The following NTRK3 variants were observed in gnomAD, a reference collection of about 807,000 sequenced individuals.
The protein encoded by NTRK3 is neurotrophic receptor tyrosine kinase 3, also known as NT-3 growth factor receptor.
A neutral mutation model predicts 91.7 loss-of-function variants in NTRK3; 24 were observed. That is an observed-to-expected ratio of 0.26 (90% CI 0.19 to 0.37). NTRK3 has a LOEUF of 0.37. Ranked by LOEUF, NTRK3 falls within the 10% of genes least tolerant of loss-of-function variation. The probability of loss-of-function intolerance (pLI) is 1.00; values close to 1 mark genes in which losing one functional copy is unlikely to be tolerated. For missense variants in NTRK3, 880 were observed against 1,068.9 expected (o/e 0.82, Z 2.46); for synonymous variants, 483 against 404.0 (o/e 1.20, Z -2.34).
At chr15:88,054,663 C>T (rs1214379471) in intron 13 of NTRK3, among the ~76,000 whole-genome samples, 1 of 151,966 alleles carries the variant, frequency 6.6e-6, no homozygotes, top group Non-Finnish European at 1.5e-5. Flanking sequence ...TGAGGGCAAC[C>T]CCAGAGATGA....
At chr15:87,963,039 G>A (rs1002175637) in intron 14 of NTRK3, among the ~76,000 whole-genome samples, 10 of 152,170 alleles carry the variant, frequency 6.6e-5, no homozygotes, top group Non-Finnish European at 1.5e-4. Flanking sequence ...CATTCAACGT[G>A]TTGCATCTTT....
chr15:88,039,138 C>T (rs2079356569), intron 13 of NTRK3, among the ~76,000 whole-genome samples: 1 of 151,304 alleles, frequency 6.6e-6, no homozygotes, highest in African/African-American at 2.4e-5. Context: ...CACACACACA[C>T]ACACACACAC....
At chr15:88,096,469 A>G (rs1597288327) in intron 13 of NTRK3, among the ~76,000 whole-genome samples, 1 of 152,132 alleles carries the variant, frequency 6.6e-6, no homozygotes, top group African/African-American at 2.4e-5. Context: ...CTGAGGCCCC[A>G]CTCATATCCC....
intron 17 of NTRK3, among the ~76,000 whole-genome samples, chr15:87,883,700 A>T (rs1324610479): frequency 1.3e-5 from 2 of 151,244 alleles, no homozygotes; most frequent in Non-Finnish European, 3.0e-5. Flanking sequence ...CAAGATAAAA[A>T]ATAAATATGA....
At chr15:87,993,580 A>T (rs943184655) in intron 14 of NTRK3, among the ~76,000 whole-genome samples, 24 of 152,170 alleles carry the variant, frequency 1.6e-4, no homozygotes, top group African/African-American at 5.6e-4. Context: ...CACACACACA[A>T]AATACTCAGT....
chr15:88,187,413 C>T (rs1469102160), intron 3 of NTRK3, among the ~76,000 whole-genome samples: 1 of 152,178 alleles, frequency 6.6e-6, no homozygotes, highest in African/African-American at 2.4e-5. Flanking sequence ...CCACTTGGTA[C>T]CCAACCAGGA....
chr15:88,079,194 G>A (rs1032153708), intron 13 of NTRK3, among the ~76,000 whole-genome samples: 15 of 152,216 alleles, frequency 9.9e-5, no homozygotes, highest in Non-Finnish European at 1.6e-4. Flanking sequence ...GGTTAGACTC[G>A]TGACACAGTT....
At chr15:88,051,755 G>T (rs181642518) in intron 13 of NTRK3, among the ~76,000 whole-genome samples, 1 of 152,308 alleles carries the variant, frequency 6.6e-6, no homozygotes, top group East Asian at 1.9e-4. Flanking sequence ...ACAGTGGTTA[G>T]CTAACTCAAG....
intron 13 of NTRK3, among the ~76,000 whole-genome samples, chr15:88,092,951 T>C (rs1396549011): frequency 6.6e-6 from 1 of 151,986 alleles, no homozygotes; most frequent in Non-Finnish European, 1.5e-5. Context: ...GATCCTTAAC[T>C]TAATCACATC....
intron 13 of NTRK3, among the ~76,000 whole-genome samples, chr15:88,049,732 C>G (rs941057441): frequency 3.9e-5 from 6 of 152,148 alleles, no homozygotes; most frequent in Non-Finnish European, 8.8e-5. Context: ...ATAGCAGGCC[C>G]TTTAAAGACA....
chr15:87,983,604 T>C (rs151014067), intron 14 of NTRK3, among the ~76,000 whole-genome samples: 37 of 152,336 alleles, frequency 2.4e-4, no homozygotes, highest in Non-Finnish European at 4.4e-4. Context: ...GGGAGAAAAC[T>C]GTGCCTTTAT....
At chr15:88,100,947 T>C (rs1214213110) in intron 13 of NTRK3, among the ~76,000 whole-genome samples, 2 of 152,304 alleles carry the variant, frequency 1.3e-5, no homozygotes, top group Admixed American at 6.5e-5. Context: ...AGTCAGGACA[T>C]AGGCACGGGC....
chr15:87,889,681 T>C (rs193091429), intron 17 of NTRK3, among the ~76,000 whole-genome samples: 207 of 152,196 alleles, frequency 1.4e-3, no homozygotes, highest in African/African-American at 4.8e-3. Context: ...AAGCCTAAAA[T>C]ATTTACTATG....
At chr15:88,084,014 A>G (rs141641045) in intron 13 of NTRK3, among the ~76,000 whole-genome samples, 3 of 151,438 alleles carry the variant, frequency 2.0e-5, no homozygotes, top group Non-Finnish European at 2.9e-5. Flanking sequence ...AATTTAATCC[A>G]TATGTCTCTG....
At chr15:88,038,373 G>A (rs1005442830) in intron 13 of NTRK3, among the ~76,000 whole-genome samples, 1 of 152,116 alleles carries the variant, frequency 6.6e-6, no homozygotes, top group Non-Finnish European at 1.5e-5. Flanking sequence ...CCAATAAAAA[G>A]CACATAGGCC....
intron 14 of NTRK3, chr15:87,979,091 T>C (rs1028290840): frequency 1.5e-5 from 9 of 583,436 alleles, no homozygotes; most frequent in Non-Finnish European, 2.7e-5. Context: ...GCTCTAAAGA[T>C]AGTGGCAGGA....
At chr15:88,114,193 C>A (rs2051774183) in intron 13 of NTRK3, among the ~76,000 whole-genome samples, 1 of 152,152 alleles carries the variant, frequency 6.6e-6, no homozygotes. Context: ...GCCTCTGGAT[C>A]CACTGAGGGA....
chr15:87,944,931 T>C (rs964803591), intron 14 of NTRK3, among the ~76,000 whole-genome samples: 1 of 152,236 alleles, frequency 6.6e-6, no homozygotes, highest in African/African-American at 2.4e-5. Context: ...ACAGTGCTGT[T>C]CAGAGCTGCC....
intron 14 of NTRK3, among the ~76,000 whole-genome samples, chr15:87,955,972 A>G (rs2071613808): frequency 6.6e-6 from 1 of 152,158 alleles, no homozygotes; most frequent in African/African-American, 2.4e-5. Context: ...AGAAGAGGAT[A>G]GATGAGTCAC....
Sources: gnomAD v4.1 joint callset for allele counts (sites outside exome capture counted in the v4.1 genomes callset) on GRCh38, gnomAD v4.1.1 for gene constraint, MANE v1.5 for transcripts, NCBI Gene and HGNC (gene_info 2026-07-23, HGNC 2026-07-21) for gene names.